TIA1: variants seen among roughly 807,000 people sequenced by gnomAD.
TIA1 encodes the protein cytotoxic granule associated RNA binding protein TIA1.
In TIA1, 23 loss-of-function variants were observed where a neutral mutation model predicts 65.9. The ratio of observed to expected loss-of-function variants is 0.35; its 90% CI spans 0.25 to 0.49. TIA1 has a LOEUF of 0.49. Among genes scored for constraint, TIA1 ranks in the 20% least tolerant of loss-of-function variants. The pLI is 0.98. For synonymous variants in TIA1, 147 were observed against 149.4 expected, an observed-to-expected ratio of 0.98 and a Z score of 0.12; for missense variants, 371 against 477.9, an observed-to-expected ratio of 0.78 and a Z score of 2.09.
intron 2 of TIA1, 105 bp downstream of exon 2, chr2:70,235,974 A>G: frequency 1.7e-6 from 1 of 593,412 alleles, no homozygotes; most frequent in Non-Finnish European, 2.9e-6. Context: ...CTAATAATTT[A>G]TACTATATTT....
In TIA1 at chr2:70,210,730, A is replaced by G. The variant is rs1174495858; in HGVS notation, c.*1989T>C. The G allele has an allele frequency of 6.6e-6, 1 of 152,224 alleles. No homozygotes were observed. Among genetic ancestry groups the G allele is most frequent in the Non-Finnish European group, 1.5e-5 (1 of 68,048 alleles). The allele number at this position is 152,224 out of a possible 1,614,324, so 9.4% of individuals were successfully genotyped here. ...TAGAAACATAAGCCAGAAGAAATCT[A>G]AAAATAGCTTCCTGATATTTTATTT... On this transcript the variant is annotated 3_prime_UTR_variant, in exon 13 of 13. Coordinates refer to ENST00000433529, the MANE Select transcript of TIA1 (RefSeq NM_022173.4).
At position 70,212,695 on chromosome 2, in the gene TIA1, G is replaced by A; in HGVS notation, c.*24C>T. 1.3e-6 allele frequency: 2 copies of A among 1,490,736 alleles called. No homozygotes were observed. Among genetic ancestry groups the A allele is most frequent in the Non-Finnish European group, 1.9e-6 (2 of 1,067,608 alleles). The allele number at this position is 1,490,736 out of a possible 1,614,324, so 92.3% of individuals were successfully genotyped here. ...ACACTCCCTGTAGCCTCAAGCCACTGGCTTTAGATTCTGGAGTCCTTATTC... is the reference window on the plus strand; with the variant it reads ...ACACTCCCTGTAGCCTCAAGCCACTAGCTTTAGATTCTGGAGTCCTTATTC... On this transcript the variant is annotated 3_prime_UTR_variant, in exon 13 of 13. Coordinates refer to ENST00000433529, the MANE Select transcript of TIA1 (RefSeq NM_022173.4).
intron 6 of TIA1, 66 bp from the exon 7 acceptor site, chr2:70,224,695 C>T: frequency 6.3e-7 from 1 of 1,579,708 alleles, no homozygotes; most frequent in African/African-American, 1.4e-5. Context: ...ATAAGAATTT[C>T]ACACACAACT....
intron 11 of TIA1, 63 bp from the exon 12 acceptor site, chr2:70,214,557 T>C: frequency 3.1e-6 from 4 of 1,282,608 alleles, no homozygotes; most frequent in Non-Finnish European, 3.0e-6. Flanking sequence ...AATATGCTGA[T>C]ACCACAAATT....
At chr2:70,228,812 A>C in intron 5 of TIA1, 1 of 1,386,544 alleles carries the variant, frequency 7.2e-7, no homozygotes, top group Non-Finnish European at 9.3e-7. Flanking sequence ...TTTGCCCCTT[A>C]GTTGGTGAAA....
intron 1 of TIA1, among the ~76,000 whole-genome samples, chr2:70,248,157 G>A (rs1201710491): frequency 6.6e-6 from 1 of 152,196 alleles, no homozygotes; most frequent in Non-Finnish European, 1.5e-5. Context: ...GGCCCGTGGC[G>A]AGAGCAAAGG....
chr2:70,246,841 G>A (rs537869665), intron 1 of TIA1, among the ~76,000 whole-genome samples: 3 of 152,100 alleles, frequency 2.0e-5, no homozygotes, highest in African/African-American at 2.4e-5. Context: ...AGCCGAAATC[G>A]CATCACTGCA....
intron 2 of TIA1, among the ~76,000 whole-genome samples, chr2:70,232,286 AT>A (rs2104484147): frequency 6.6e-6 from 1 of 151,724 alleles, no homozygotes; most frequent in East Asian, 1.9e-4. Flanking sequence ...CACACCTGTA[AT>A]CCCAGCACTT....
At chr2:70,214,563 A>G (rs1164417943) in intron 11 of TIA1, 69 bp from the exon 12 acceptor site, 1 of 1,268,978 alleles carries the variant, frequency 7.9e-7, no homozygotes, top group Non-Finnish European at 1.0e-6. Flanking sequence ...CTGATACCAC[A>G]AATTCTTAGC....
intron 2 of TIA1, among the ~76,000 whole-genome samples, chr2:70,235,485 C>T (rs113777178): frequency 0.012 from 1,753 of 151,378 alleles, 38 homozygotes; most frequent in African/African-American, 0.041. Context: ...GTAAATGTTC[C>T]CTAAATGTCT....
intron 6 of TIA1, chr2:70,225,125 CCCT>C (rs1393471653): frequency 1.1e-5 from 11 of 1,020,306 alleles, no homozygotes; most frequent in Admixed American, 1.1e-4. Flanking sequence ...ATTTATACCC[CCCT>C]TTTTGTCTAA....
At chr2:70,232,952 T>C (rs572411682) in intron 2 of TIA1, among the ~76,000 whole-genome samples, 49 of 152,200 alleles carry the variant, frequency 3.2e-4, no homozygotes, top group African/African-American at 1.1e-3. Context: ...TGTTTAATTA[T>C]AAATTCAAGT....
intron 2 of TIA1, among the ~76,000 whole-genome samples, chr2:70,234,779 C>A (rs1199973851): frequency 7.2e-5 from 11 of 152,036 alleles, no homozygotes. Context: ...TCAGGCTAGT[C>A]TCGAACTCCT....
rs772973829 is a variant in TIA1 at position 70,214,428 on chromosome 2, TTTG to T, written c.952_954del (p.Gln318del). On this transcript the variant is annotated inframe_deletion, in exon 12 of 13. Coordinates refer to ENST00000433529, the MANE Select transcript of TIA1 (RefSeq NM_022173.4). ...CAACCATTAGGCATATACTGGCCAA[TTTG>T]TTGTGCATTTCCATACCACTGGCCC... is the stretch of plus-strand genomic sequence containing the variant. 1.2e-6 allele frequency: 2 copies of T among 1,613,976 alleles called. No homozygotes were observed. Among genetic ancestry groups the T allele is most frequent in the South Asian group, 1.1e-5 (1 of 91,060 alleles).
At chr2:70,247,674 G>C (rs977147203) in intron 1 of TIA1, among the ~76,000 whole-genome samples, 3 of 152,028 alleles carry the variant, frequency 2.0e-5, no homozygotes, top group African/African-American at 4.8e-5. Context: ...TTTACAGCCC[G>C]CTCGTTCAAC....
At chr2:70,217,596 G>A (rs1465546188) in intron 7 of TIA1, among the ~76,000 whole-genome samples, 2 of 151,882 alleles carry the variant, frequency 1.3e-5, no homozygotes, top group Admixed American at 6.6e-5. Context: ...ACACGGTTTC[G>A]CCATGTTAGC....
At chr2:70,232,610 T>C (rs796317941) in intron 2 of TIA1, among the ~76,000 whole-genome samples, 2 of 146,500 alleles carry the variant, frequency 1.4e-5, no homozygotes, top group Admixed American at 6.9e-5. Flanking sequence ...AGCTCATGCC[T>C]GTAATCTCAG....
chr2:70,218,105 T>C (rs1679469143), intron 7 of TIA1, among the ~76,000 whole-genome samples: 1 of 150,450 alleles, frequency 6.6e-6, no homozygotes, highest in South Asian at 2.1e-4. Context: ...CATATTGTGG[T>C]AAGACCTATG....
intron 1 of TIA1, among the ~76,000 whole-genome samples, chr2:70,241,808 G>A (rs1402310723): frequency 6.6e-6 from 1 of 151,998 alleles, no homozygotes; most frequent in Non-Finnish European, 1.5e-5. Context: ...GCTGGGTGTG[G>A]TGGTGTGCAC....
Sources: gnomAD v4.1 joint callset for allele counts (sites outside exome capture counted in the v4.1 genomes callset) on GRCh38, gnomAD v4.1.1 for gene constraint, MANE v1.5 for transcripts, NCBI Gene and HGNC (gene_info 2026-07-23, HGNC 2026-07-21) for gene names.